The following ZNF462 variants were observed in gnomAD, a reference collection of about 807,000 sequenced individuals.
The protein encoded by ZNF462 is zinc finger PBX1-interacting protein.
In ZNF462, 10 loss-of-function variants were observed where a neutral mutation model predicts 201.9. The ratio of observed to expected loss-of-function variants is 0.05; its 90% CI spans 0.03 to 0.08. The LOEUF is 0.08. Ranked by LOEUF, ZNF462 falls within the 10% of genes least tolerant of loss-of-function variation. The pLI, the probability that ZNF462 is intolerant of heterozygous loss-of-function variation, is 1.00. For missense variants in ZNF462, 2,523 were observed against 3,168.3 expected, an observed-to-expected ratio of 0.80 and a Z score of 4.89; for synonymous variants, 1,227 against 1,193.3, an observed-to-expected ratio of 1.03 and a Z score of -0.58.
intron 7 of ZNF462, among the ~76,000 whole-genome samples, chr9:106,961,290 A>G (rs1470816582): frequency 6.6e-6 from 1 of 152,116 alleles, no homozygotes; most frequent in Non-Finnish European, 1.5e-5. Flanking sequence ...GCAAGACTAG[A>G]AATTAATGCC....
chr9:106,992,397 G>T (rs1828356791), intron 10 of ZNF462, among the ~76,000 whole-genome samples: 1 of 152,064 alleles, frequency 6.6e-6, no homozygotes, highest in Non-Finnish European at 1.5e-5. Flanking sequence ...TTGCTGATTG[G>T]AATGTAAAAT....
intron 10 of ZNF462, among the ~76,000 whole-genome samples, chr9:106,985,260 A>G (rs1291723111): frequency 6.6e-6 from 1 of 152,146 alleles, no homozygotes; most frequent in Non-Finnish European, 1.5e-5. Flanking sequence ...GTGGTTTCCA[A>G]TATTTTGCTA....
Position 106,885,388 on chromosome 9 carries a change from G to A in ZNF462, c.-31+22033G>A, listed in dbSNP as rs568569242. Among the ~76,000 whole-genome samples the A allele has an allele frequency of 2.0e-5, 3 of 152,296 alleles. No homozygotes were observed. The highest frequency in any genetic ancestry group is 7.2e-5 in the African/African-American group (3 of 41,580). ...AAAAGAAAATAATTTGAGAAAACTTGTCTGGTTGACAGTAATTTTTTAGTA... is the reference window on the plus strand; with the variant it reads ...AAAAGAAAATAATTTGAGAAAACTTATCTGGTTGACAGTAATTTTTTAGTA... On this transcript the variant is annotated intron_variant, in intron 1 of 12. Transcript: ENST00000277225. The surrounding 1 kb of genome is among the most constrained non-coding windows in gnomAD (Gnocchi z 4.1).
In ZNF462 at chr9:106,984,081, G is replaced by A. The variant is rs767129374; in HGVS notation, c.6833-105G>A. 1.2e-5 allele frequency: 13 copies of A among 1,050,492 alleles called. No homozygotes were observed. Among genetic ancestry groups the A allele is most frequent in the East Asian group, 2.4e-5 (1 of 41,420 alleles). The allele number at this position is 1,050,492 out of a possible 1,614,324, so 65.1% of individuals were successfully genotyped here. The stretch of plus-strand genomic sequence containing the variant: ...TGTCAGTTCAAGGAACCAGATCCAC[G>A]AGGAGCAGCAAGATTGGGTGAGTTT... On this transcript the variant is annotated intron_variant, in intron 9 of 12. Coordinates refer to ENST00000277225, the MANE Select transcript of ZNF462 (RefSeq NM_021224.6). The surrounding 1 kb of genome is among the most constrained non-coding windows in gnomAD (Gnocchi z 6.4).
At chr9:106,877,615 A>C (rs4743036) in intron 1 of ZNF462, among the ~76,000 whole-genome samples, 31,980 of 151,912 alleles carry the variant, frequency 0.21, 3,424 homozygotes, top group South Asian at 0.28. Flanking sequence ...CAGGAGTTCA[A>C]GTGATCTGCC....
rs1829889262 is a variant in ZNF462 at position 106,919,095 on chromosome 9, C to CTGACTGAAG, written c.-30-4259_-30-4258insTGACTGAAG. Among the ~76,000 whole-genome samples, 1 of 152,364 alleles carries CTGACTGAAG rather than the reference C, an allele frequency of 6.6e-6. No individual in the cohort carries two copies. ...GCTTTATTTCTGGGCTGCAGTCCTT[C>CTGACTGAAG]AGTCAGAGAACAGGTTAGATCCAGG... is the stretch of plus-strand genomic sequence containing the variant. On this transcript the variant is annotated intron_variant, in intron 1 of 12. Coordinates refer to ENST00000277225, the MANE Select transcript of ZNF462 (RefSeq NM_021224.6). The surrounding 1 kb of genome is among the most constrained non-coding windows in gnomAD (Gnocchi z 4.5).
intron 1 of ZNF462, among the ~76,000 whole-genome samples, chr9:106,914,810 G>A (rs1829700186): frequency 6.6e-6 from 1 of 152,106 alleles, no homozygotes; most frequent in African/African-American, 2.4e-5. Context: ...GTGTGAGTAG[G>A]GGTTTCAATT....
rs377632494 is a variant in ZNF462 at position 106,924,282 on chromosome 9, A to G, written c.370A>G (p.Ile124Val). ...CTACTTCAGGTCAAAAAACCTCCTCATAGAACACACTAGAAAGGTCCATGG... is the reference window on the plus strand; with the variant it reads ...CTACTTCAGGTCAAAAAACCTCCTCGTAGAACACACTAGAAAGGTCCATGG... ...VRYFRSKNLL[I>V]EHTRKVHGAQ... The change falls in exon 3 of 13, where the codon ATA becomes GTA. Residue 124 changes from isoleucine to valine, a missense_variant. Physicochemically the swap from Ile to Val is conservative, Grantham distance 29. This residue lies in a region of ZNF462 where 480 missense variants were observed against 544.4 expected (regional missense o/e 0.88). Coordinates refer to ENST00000277225, the MANE Select transcript of ZNF462 (RefSeq NM_021224.6). The surrounding 1 kb of genome is among the most constrained non-coding windows in gnomAD (Gnocchi z 6.2). 5.6e-6 allele frequency: 9 copies of G among 1,614,150 alleles called. No homozygotes were observed. The highest frequency in any genetic ancestry group is 1.7e-5 in the Admixed American group (1 of 60,030).
chr9:106,896,344 A>G (rs578024418), intron 1 of ZNF462, among the ~76,000 whole-genome samples: 1 of 152,160 alleles, frequency 6.6e-6, no homozygotes, highest in East Asian at 1.9e-4. Context: ...TGATTTTTTT[A>G]AAAAATGAGG....
intron 7 of ZNF462, among the ~76,000 whole-genome samples, chr9:106,943,059 C>CGCGCGCGTGT (rs374167214): frequency 2.2e-4 from 32 of 143,152 alleles, no homozygotes; most frequent in African/African-American, 8.2e-4. Context: ...TTTGCGCGCG[C>CGCGCGCGTGT]GTGTGTGTGT....
chr9:106,899,962 C>T (rs1434737290), intron 1 of ZNF462, among the ~76,000 whole-genome samples: 1 of 151,964 alleles, frequency 6.6e-6, no homozygotes, highest in African/African-American at 2.4e-5. Context: ...ATACACTGCA[C>T]CATATTTGTA....
At chr9:106,904,658 G>A (rs1344154903) in intron 1 of ZNF462, among the ~76,000 whole-genome samples, 1 of 152,076 alleles carries the variant, frequency 6.6e-6, no homozygotes, top group Non-Finnish European at 1.5e-5. Context: ...TTGTTGGATT[G>A]GGTTAATTTG....
At chr9:106,958,535 C>G (rs986781701) in intron 7 of ZNF462, among the ~76,000 whole-genome samples, 1 of 152,022 alleles carries the variant, frequency 6.6e-6, no homozygotes, top group Non-Finnish European at 1.5e-5. Context: ...TTTTGTAGAT[C>G]TATAGTGGGA....
chr9:106,932,850 G>T lies in ZNF462; in HGVS notation c.6116+301G>T, dbSNP rs756379738. 2.0e-6 allele frequency: 1 copy of T among 488,010 alleles called. No individual in the cohort carries two copies. Among genetic ancestry groups the T allele is most frequent in the Non-Finnish European group, 3.6e-6 (1 of 276,416 alleles). The allele number at this position is 488,010 out of a possible 1,614,324, so 30.2% of individuals were successfully genotyped here. On this transcript the variant is annotated intron_variant, in intron 5 of 12. Coordinates refer to ENST00000277225, the MANE Select transcript of ZNF462 (RefSeq NM_021224.6). The surrounding 1 kb of genome is among the most constrained non-coding windows in gnomAD (Gnocchi z 6.8). The stretch of plus-strand genomic sequence containing the variant: ...GAGTAGATGAGTCTCCTGATTCATC[G>T]TTCAAACATTCAGCCAAAATCTAGT...
At chr9:106,915,228 A>G (rs557785354) in intron 1 of ZNF462, among the ~76,000 whole-genome samples, 17 of 151,330 alleles carry the variant, frequency 1.1e-4, no homozygotes, top group African/African-American at 3.6e-4. Context: ...TTTTTTTTAA[A>G]ACAGCTCAAC....
chr9:106,884,685 A>G (rs1828243624), intron 1 of ZNF462, among the ~76,000 whole-genome samples: 1 of 152,210 alleles, frequency 6.6e-6, no homozygotes, highest in Admixed American at 6.5e-5. Flanking sequence ...ATTTCTGTAT[A>G]CAAAGAAATT....
Position 106,938,838 on chromosome 9 carries a change from T to G in ZNF462, c.6236-78T>G. The stretch of plus-strand genomic sequence containing the variant: ...GCTTCTCTAGCATGAGTTAACTGAG[T>G]TATCTTGTTTCCACCCTGGCCTTAT... On this transcript the variant is annotated intron_variant, in intron 6 of 12. Transcript: ENST00000277225. The surrounding 1 kb of genome is among the most constrained non-coding windows in gnomAD (Gnocchi z 4.4). 7.0e-7 allele frequency: 1 copy of G among 1,421,500 alleles called. No individual in the cohort carries two copies. Among genetic ancestry groups the G allele is most frequent in the South Asian group, 1.4e-5 (1 of 68,986 alleles). The allele number at this position is 1,421,500 out of a possible 1,614,324, so 88.1% of individuals were successfully genotyped here.
At chr9:106,904,325 T>C (rs929946174) in intron 1 of ZNF462, among the ~76,000 whole-genome samples, 2 of 152,234 alleles carry the variant, frequency 1.3e-5, no homozygotes, top group African/African-American at 4.8e-5. Flanking sequence ...TTTTCCTTTA[T>C]AGGTTACCTG....
upstream of ZNF462, chr9:106,863,097 GGAGAGGGAGGGAGGGAGAGAGAGA>G (rs1442449116): frequency 2.5e-6 from 1 of 395,504 alleles, no homozygotes. Context: ...AGAGTGAGAG[GGAGAGGGAGGGAGGGAGAGAGAGA>G]GAGAGGGAGA....
Sources: gnomAD v4.1 joint callset for allele counts (sites outside exome capture counted in the v4.1 genomes callset) on GRCh38, gnomAD v4.1.1 for gene constraint, gnomAD v4.1.1 regional missense constraint, Gnocchi (gnomAD v3.1) non-coding constraint, MANE v1.5 for transcripts, NCBI Gene and HGNC (gene_info 2026-07-23, HGNC 2026-07-21) for gene names.